The following CCSER1 variants were observed in gnomAD, a reference collection of about 807,000 sequenced individuals.
The protein encoded by CCSER1 is coiled-coil serine rich protein 1, also known as serine-rich coiled-coil domain-containing protein 1.
A neutral mutation model predicts 82.0 loss-of-function variants in CCSER1; 41 were observed. The ratio of observed to expected loss-of-function variants is 0.50; its 90% CI spans 0.39 to 0.65. The LOEUF is 0.65. Ranked by LOEUF, CCSER1 falls within the 30% of genes least tolerant of loss-of-function variation. The probability of loss-of-function intolerance (pLI) is 0.00; values close to 1 mark genes in which losing one functional copy is unlikely to be tolerated. For synonymous variants in CCSER1, 414 were observed against 383.9 expected (o/e 1.08, Z -0.92); for missense variants, 1,119 against 1,064.2 (o/e 1.05, Z -0.72).
intron 8 of CCSER1, among the ~76,000 whole-genome samples, chr4:90,890,995 CA>C (rs1722880380): frequency 1.3e-5 from 2 of 152,146 alleles, no homozygotes; most frequent in South Asian, 4.2e-4. Context: ...ACTATAGTTA[CA>C]TTACATAGCA....
At chr4:90,786,272 T>A (rs942258581) in intron 7 of CCSER1, among the ~76,000 whole-genome samples, 2 of 152,174 alleles carry the variant, frequency 1.3e-5, no homozygotes, top group Non-Finnish European at 1.5e-5. Context: ...GTGAACTATG[T>A]GTTCTAATAA....
At chr4:90,607,683 T>C (rs1560801904) in intron 5 of CCSER1, among the ~76,000 whole-genome samples, 1 of 152,170 alleles carries the variant, frequency 6.6e-6, no homozygotes. Context: ...CTTAACTGAT[T>C]ACATCTGCAA....
In CCSER1 at chr4:90,550,663, GATATA is replaced by G. The variant is rs1206384189; in HGVS notation, c.1725-77356_1725-77352del. On this transcript the variant is annotated intron_variant, in intron 5 of 10. Transcript: ENST00000509176. ...TCTTCAATGTAACCTTACAAGTATA[GATATA>G]ATATATCATAATTGAAAAAGAAGGA... Among the ~76,000 whole-genome samples the G allele has an allele frequency of 3.9e-5, 6 of 152,200 alleles. No individual in the cohort carries two copies. The South Asian group carries it at 6.2e-4, about 16-fold the overall frequency.
intron 1 of CCSER1, among the ~76,000 whole-genome samples, chr4:90,187,356 C>G (rs1243506169): frequency 7.5e-6 from 1 of 133,354 alleles, no homozygotes; most frequent in Non-Finnish European, 1.5e-5. Flanking sequence ...AATACAGTAG[C>G]TATTTTTTTT....
chr4:91,212,972 T>C (rs369203549), intron 10 of CCSER1, among the ~76,000 whole-genome samples: 85 of 152,206 alleles, frequency 5.6e-4, no homozygotes, highest in African/African-American at 2.0e-3. Context: ...CTCCCACTTA[T>C]AAGTGAGAAC....
chr4:90,360,293 C>T (rs892037167), intron 3 of CCSER1, among the ~76,000 whole-genome samples: 4 of 148,906 alleles, frequency 2.7e-5, no homozygotes, highest in Non-Finnish European at 4.5e-5. Context: ...CTTTGGGAGG[C>T]CGAGGCGGGC....
chr4:90,284,879 T>C (rs970083897), intron 1 of CCSER1, among the ~76,000 whole-genome samples: 1 of 152,094 alleles, frequency 6.6e-6, no homozygotes, highest in Non-Finnish European at 1.5e-5. Context: ...GCACCATTTA[T>C]TGAAGAGACA....
At chr4:90,341,160 AG>A (rs1327907303) in intron 3 of CCSER1, among the ~76,000 whole-genome samples, 1 of 152,128 alleles carries the variant, frequency 6.6e-6, no homozygotes, top group African/African-American at 2.4e-5. Context: ...TCCATTTAGA[AG>A]ATCAGCTGGA....
intron 1 of CCSER1, among the ~76,000 whole-genome samples, chr4:90,180,120 T>TTATATATATATATATA (rs59586682): frequency 7.1e-6 from 1 of 140,290 alleles, no homozygotes; most frequent in Non-Finnish European, 1.6e-5. Context: ...GCTTATGTAG[T>TTATATATATATATATA]TATATATATA....
In CCSER1 at chr4:90,559,700, C is replaced by T. The variant is rs1455638380; in HGVS notation, c.1725-68325C>T. On this transcript the variant is annotated intron_variant, in intron 5 of 10. Transcript: ENST00000509176. ...TAGCCGGCCATTGTAGTCCCAGCTA[C>T]TCGGGAGACTGAGGCAGGAGAATGG... is the stretch of plus-strand genomic sequence containing the variant. 2.7e-5 allele frequency among the ~76,000 whole-genome samples: 4 copies of T among 150,668 alleles called. No homozygotes were observed. The Admixed American group carries it at 2.7e-4, about 10-fold the overall frequency.
At chr4:90,752,047 G>A (rs893542916) in intron 7 of CCSER1, among the ~76,000 whole-genome samples, 5 of 152,014 alleles carry the variant, frequency 3.3e-5, no homozygotes, top group South Asian at 2.1e-4. Flanking sequence ...TATCTAAAAG[G>A]TAGCTATATT....
At chr4:91,476,859 C>A (rs966823228) in intron 10 of CCSER1, among the ~76,000 whole-genome samples, 4 of 151,596 alleles carry the variant, frequency 2.6e-5, no homozygotes, top group African/African-American at 9.7e-5. Flanking sequence ...TCTGGATATT[C>A]ATATGCAGAA....
chr4:90,733,655 A>G (rs1308663390), intron 7 of CCSER1, among the ~76,000 whole-genome samples: 2 of 152,154 alleles, frequency 1.3e-5, no homozygotes, highest in Non-Finnish European at 2.9e-5. Context: ...TTTGATAGTT[A>G]CGTCTTATAT....
At chr4:91,388,792 T>C (rs1383897211) in intron 10 of CCSER1, among the ~76,000 whole-genome samples, 1 of 152,058 alleles carries the variant, frequency 6.6e-6, no homozygotes, top group Non-Finnish European at 1.5e-5. Flanking sequence ...TCTTCTAACT[T>C]TGTTTTTTTT....
chr4:90,970,411 GA>G (rs1313231862), intron 9 of CCSER1, among the ~76,000 whole-genome samples: 3 of 151,570 alleles, frequency 2.0e-5, no homozygotes, highest in Non-Finnish European at 4.4e-5. Flanking sequence ...TATAGCAAGT[GA>G]AAAAAATATA....
chr4:90,911,146 T>C (rs1726277601), intron 8 of CCSER1: 1 of 373,338 alleles, frequency 2.7e-6, no homozygotes. Flanking sequence ...TTGTTAAATC[T>C]GGGTAATGAT....
At chr4:91,450,041 T>A (rs964872633) in intron 10 of CCSER1, among the ~76,000 whole-genome samples, 6 of 152,186 alleles carry the variant, frequency 3.9e-5, no homozygotes, top group African/African-American at 1.4e-4. Context: ...ATTTATTTAT[T>A]TGCTACATTG....
intron 4 of CCSER1, among the ~76,000 whole-genome samples, chr4:90,460,045 G>A (rs190015054): frequency 0.012 from 1,745 of 146,488 alleles, 43 homozygotes; most frequent in South Asian, 0.022. Flanking sequence ...AAACTAAGGC[G>A]GCCGGGCGCG....
intron 9 of CCSER1, among the ~76,000 whole-genome samples, chr4:90,958,426 C>G (rs1733735705): frequency 6.6e-6 from 1 of 152,140 alleles, no homozygotes; most frequent in African/African-American, 2.4e-5. Flanking sequence ...CCCTGCATAC[C>G]TCTTGGGTAA....
Sources: gnomAD v4.1 joint callset for allele counts (sites outside exome capture counted in the v4.1 genomes callset) on GRCh38, gnomAD v4.1.1 for gene constraint, MANE v1.5 for transcripts, NCBI Gene and HGNC (gene_info 2026-07-23, HGNC 2026-07-21) for gene names.